Variants in QDPR observed in about 807,000 individuals in gnomAD.
QDPR encodes quinoid dihydropteridine reductase.
Under a neutral mutation model 31.7 loss-of-function variants are expected in QDPR, and 23 were observed. The observed-to-expected ratio is 0.73, with a 90% CI of 0.52 to 1.03. QDPR has a LOEUF of 1.03. Ranked by LOEUF, QDPR falls within the 50% of genes least tolerant of loss-of-function variation. QDPR has a pLI of 0.00. For synonymous variants in QDPR, 124 were observed against 124.7 expected (o/e 0.99, Z 0.03); for missense variants, 324 against 323.8 (o/e 1.00, Z 0.00).
chr4:17,494,125 T>C (rs774305312), intron 4 of QDPR, among the ~76,000 whole-genome samples: 1 of 152,094 alleles, frequency 6.6e-6, no homozygotes, highest in Non-Finnish European at 1.5e-5. Context: ...ATCCTCAGTT[T>C]CCCATTTCGT....
At position 17,510,079 on chromosome 4, in the gene QDPR, A is replaced by G. The variant is rs76721518; in HGVS notation, c.106-716T>C. 2,149 of 420,562 alleles carry G rather than the reference A, an allele frequency of 5.1e-3. 48 individuals carry two copies. Among genetic ancestry groups the G allele is most frequent in the African/African-American group, 0.041 (1,984 of 48,206 alleles). 26.1% of individuals were successfully genotyped at this position (420,562 alleles called of 1,614,324 possible). A position where few individuals can be genotyped will look rare whatever the true frequency, so the allele number is the denominator to read the frequency against. On this transcript the variant is annotated intron_variant, in intron 1 of 6. Coordinates refer to ENST00000281243, the MANE Select transcript of QDPR (RefSeq NM_000320.3). ...AAATGTGAATTTCATTAATTTTCAT[A>G]TACAACAAAATATAATTCTTCATTT...
In QDPR at chr4:17,506,344, T is replaced by C. The variant is rs569533857; in HGVS notation, c.199-1869A>G. 4.4e-3 allele frequency among the ~76,000 whole-genome samples: 667 copies of C among 152,326 alleles called. 4 individuals carry two copies. The highest frequency in any genetic ancestry group is 0.015 in the African/African-American group (640 of 41,580). On this transcript the variant is annotated intron_variant, in intron 2 of 6. Coordinates refer to ENST00000281243, the MANE Select transcript of QDPR (RefSeq NM_000320.3). Reference sequence around the variant, plus strand: ...TGGGGTTTCGCCATGTTGCACAGGCTGGTCTTAAACTCCTGGGCTCAAGTG... The same window carrying C: ...TGGGGTTTCGCCATGTTGCACAGGCCGGTCTTAAACTCCTGGGCTCAAGTG...
chr4:17,494,495 C>T (rs973587434), intron 4 of QDPR, among the ~76,000 whole-genome samples: 5 of 152,204 alleles, frequency 3.3e-5, no homozygotes, highest in African/African-American at 1.2e-4. Flanking sequence ...CCTCCACATG[C>T]AATGACACAC....
At chr4:17,500,989 T>C (rs879874994) in intron 4 of QDPR, among the ~76,000 whole-genome samples, 2 of 152,238 alleles carry the variant, frequency 1.3e-5, no homozygotes, top group Non-Finnish European at 2.9e-5. Context: ...ACAGTAAGAC[T>C]TGCCATTTAT....
intron 4 of QDPR, among the ~76,000 whole-genome samples, chr4:17,500,656 A>G (rs1257397043): frequency 2.0e-5 from 3 of 152,218 alleles, no homozygotes; most frequent in Non-Finnish European, 2.9e-5. Context: ...TGATCTCCAG[A>G]CTTTTAGCCT....
At chr4:17,493,126 C>T (rs1338135863) in intron 4 of QDPR, among the ~76,000 whole-genome samples, 2 of 152,176 alleles carry the variant, frequency 1.3e-5, no homozygotes, top group African/African-American at 2.4e-5. Flanking sequence ...TCTCCAGACA[C>T]CAACTGGGTG....
chr4:17,495,891 C>T (rs921879707), intron 4 of QDPR, among the ~76,000 whole-genome samples: 4 of 151,966 alleles, frequency 2.6e-5, no homozygotes, highest in South Asian at 4.2e-4. Context: ...CGCCTGTAGT[C>T]TCAGCTACCC....
intron 1 of QDPR, 138 bp from the exon 2 acceptor site, chr4:17,509,501 G>T: frequency 1.3e-6 from 1 of 756,096 alleles, no homozygotes; most frequent in Non-Finnish European, 2.3e-6. Context: ...CAATGTGGGA[G>T]GATCTCTTGA....
chr4:17,492,758 T>A (rs768628246), intron 4 of QDPR, among the ~76,000 whole-genome samples: 2 of 152,188 alleles, frequency 1.3e-5, no homozygotes, highest in Non-Finnish European at 2.9e-5. Context: ...AGAAGGTTGA[T>A]CTTATTTTTA....
intron 4 of QDPR, among the ~76,000 whole-genome samples, chr4:17,494,235 G>A (rs897571583): frequency 6.6e-6 from 1 of 152,172 alleles, no homozygotes; most frequent in African/African-American, 2.4e-5. Context: ...AAGGACTATA[G>A]GAGTTTCATC....
chr4:17,495,304 G>A (rs1305804178), intron 4 of QDPR, among the ~76,000 whole-genome samples: 1 of 152,092 alleles, frequency 6.6e-6, no homozygotes, highest in Non-Finnish European at 1.5e-5. Context: ...CTGCTCCCGG[G>A]CATCAAAACC....
intron 2 of QDPR, among the ~76,000 whole-genome samples, chr4:17,505,371 T>C (rs1480039176): frequency 6.6e-6 from 1 of 151,226 alleles, no homozygotes; most frequent in African/African-American, 2.4e-5. Flanking sequence ...CTCAGCTTCC[T>C]GAGTAGCCGG....
chr4:17,503,046 C>T (rs1319163895), intron 3 of QDPR, among the ~76,000 whole-genome samples: 2 of 152,200 alleles, frequency 1.3e-5, no homozygotes, highest in Non-Finnish European at 2.9e-5. Context: ...ATTCGCACCA[C>T]AAGAATGTTT....
intron 4 of QDPR, among the ~76,000 whole-genome samples, chr4:17,494,604 T>G (rs1011185652): frequency 2.0e-5 from 3 of 152,122 alleles, no homozygotes; most frequent in African/African-American, 7.2e-5. Flanking sequence ...GTAATAAAAC[T>G]CCATTGATTG....
chr4:17,490,842 G>A, intron 5 of QDPR, 97 bp from the exon 6 acceptor site: 2 of 851,092 alleles, frequency 2.3e-6, no homozygotes. Flanking sequence ...CATACAGCAG[G>A]ACAACCTAGA....
chr4:17,506,429 C>A lies in QDPR; in HGVS notation c.199-1954G>T, dbSNP rs1577194332. On this transcript the variant is annotated intron_variant, in intron 2 of 6. Transcript: ENST00000281243. ...TACTGGCATGAGCCACTGCACCCAG[C>A]CATTTTGGCCTTTATTACTTTATTC... 2.0e-5 allele frequency among the ~76,000 whole-genome samples: 3 copies of A among 152,212 alleles called. No individual in the cohort carries two copies. The East Asian group carries it at 5.8e-4, about 29-fold the overall frequency.
chr4:17,492,752 G>C (rs1437203597), intron 4 of QDPR, among the ~76,000 whole-genome samples: 1 of 152,180 alleles, frequency 6.6e-6, no homozygotes, highest in Admixed American at 6.5e-5. Flanking sequence ...AAAGCCAGAA[G>C]GTTGATCTTA....
At chr4:17,490,393 A>G in intron 6 of QDPR, 3 of 434,268 alleles carry the variant, frequency 6.9e-6, no homozygotes, top group Non-Finnish European at 1.3e-5. Context: ...AGGCCTCAGC[A>G]GGTCAATAAT....
chr4:17,504,804 G>C (rs896912002), intron 2 of QDPR, among the ~76,000 whole-genome samples: 1 of 151,802 alleles, frequency 6.6e-6, no homozygotes, highest in African/African-American at 2.4e-5. Flanking sequence ...AGCACCTAGA[G>C]CTTCACTGCC....
Sources: gnomAD v4.1 joint callset for allele counts (sites outside exome capture counted in the v4.1 genomes callset) on GRCh38, gnomAD v4.1.1 for gene constraint, MANE v1.5 for transcripts, NCBI Gene and HGNC (gene_info 2026-07-23, HGNC 2026-07-21) for gene names.